Variants in MPP7 observed in about 807,000 individuals in gnomAD.
The protein encoded by MPP7 is MAGUK p55 subfamily member 7.
In MPP7, 60 loss-of-function variants were observed where a neutral mutation model predicts 76.5. The ratio of observed to expected loss-of-function variants is 0.78; its 90% confidence interval spans 0.64 to 0.97. MPP7 has a LOEUF of 0.97. Ranked by LOEUF, MPP7 falls within the 50% of genes least tolerant of loss-of-function variation. The probability of loss-of-function intolerance (pLI) is 0.00; values close to 1 mark genes in which losing one functional copy is unlikely to be tolerated. For synonymous variants in MPP7, 237 were observed against 244.5 expected (o/e 0.97, Z 0.29); for missense variants, 641 against 694.0 (o/e 0.92, Z 0.86).
chr10:28,250,642 T>C (rs1168039819), intron 1 of MPP7, among the ~76,000 whole-genome samples: 1 of 152,210 alleles, frequency 6.6e-6, no homozygotes, highest in African/African-American at 2.4e-5. Flanking sequence ...TTAAATTCCT[T>C]AAATTGAGAC....
At chr10:28,089,875 C>T (rs752754365) in intron 11 of MPP7, 34 bp from the exon 12 acceptor site, 5 of 1,124,584 alleles carry the variant, frequency 4.4e-6, no homozygotes, top group Non-Finnish European at 6.3e-6. Context: ...TTTTTAGTAA[C>T]ATCAACCAAA....
chr10:28,296,306 C>G (rs117419840), intron 1 of MPP7, among the ~76,000 whole-genome samples: 211 of 152,270 alleles, frequency 1.4e-3, no homozygotes, highest in Non-Finnish European at 2.2e-3. Context: ...TTTTCTCTCT[C>G]CCAAATCTCC....
At chr10:28,106,541 T>C (rs1834331003) in intron 11 of MPP7, among the ~76,000 whole-genome samples, 1 of 152,352 alleles carries the variant, frequency 6.6e-6, no homozygotes, top group African/African-American at 2.4e-5. Flanking sequence ...ATCAAAAAGA[T>C]ATTTGAAAGA....
upstream of MPP7, chr10:28,303,393 C>T (rs913117150): frequency 6.6e-6 from 1 of 152,194 alleles, no homozygotes; most frequent in Non-Finnish European, 1.5e-5. Context: ...TGAGGAGAAC[C>T]CCGGATACGC....
chr10:28,077,565 C>CCTAA (rs1345662543), intron 12 of MPP7, among the ~76,000 whole-genome samples: 1 of 152,100 alleles, frequency 6.6e-6, no homozygotes, highest in African/African-American at 2.4e-5. Flanking sequence ...TAGGGTTAGG[C>CCTAA]CTAAGTTCAC....
At chr10:28,267,564 T>C (rs545290931) in intron 1 of MPP7, among the ~76,000 whole-genome samples, 170 of 152,252 alleles carry the variant, frequency 1.1e-3, no homozygotes, top group African/African-American at 2.0e-3. Flanking sequence ...CACTAGAGCA[T>C]TACAGATTTT....
At position 28,196,133 on chromosome 10, in the gene MPP7, C is replaced by T. The variant is rs141020883; in HGVS notation, c.156+6020G>A. Reference sequence around the variant, plus strand: ...ATGTCCTGCATTTTATCTGGCACCCCTACTCCCAAATCTATTCTGTCCAAT... The same window carrying T: ...ATGTCCTGCATTTTATCTGGCACCCTTACTCCCAAATCTATTCTGTCCAAT... On this transcript the variant is annotated intron_variant, in intron 3 of 16. Transcript: ENST00000683449. Among the ~76,000 whole-genome samples the T allele has an allele frequency of 5.2e-3, 787 of 152,286 alleles. 6 individuals are homozygous for T. Among genetic ancestry groups the T allele is most frequent in the African/African-American group, 0.017 (711 of 41,550 alleles).
chr10:28,287,776 T>A (rs1840822272), intron 1 of MPP7, among the ~76,000 whole-genome samples: 1 of 152,224 alleles, frequency 6.6e-6, no homozygotes, highest in Non-Finnish European at 1.5e-5. Context: ...TGTGCTAACA[T>A]TTAATTCCAT....
At chr10:28,280,138 T>C (rs927110751) in intron 1 of MPP7, 1 of 152,080 alleles carries the variant, frequency 6.6e-6, no homozygotes, top group African/African-American at 2.4e-5. Context: ...AAGACTGCTA[T>C]ACCTAACAGG....
chr10:28,155,014 C>T (rs1315395573), intron 3 of MPP7, among the ~76,000 whole-genome samples: 1 of 152,092 alleles, frequency 6.6e-6, no homozygotes, highest in African/African-American at 2.4e-5. Context: ...ATACAAGTAG[C>T]AATCAATTAC....
intron 3 of MPP7, among the ~76,000 whole-genome samples, chr10:28,168,209 T>C (rs1358637876): frequency 1.3e-5 from 2 of 151,974 alleles, no homozygotes; most frequent in South Asian, 2.1e-4. Context: ...CACTCCAGCC[T>C]GGGCAACAGA....
chr10:28,083,979 T>C (rs952977788), intron 12 of MPP7, among the ~76,000 whole-genome samples: 2 of 152,200 alleles, frequency 1.3e-5, no homozygotes, highest in African/African-American at 4.8e-5. Context: ...ATTTAAGAAA[T>C]ACTGCCTTAT....
chr10:28,135,991 T>A (rs1184284710), intron 5 of MPP7, among the ~76,000 whole-genome samples: 3 of 152,064 alleles, frequency 2.0e-5, no homozygotes, highest in African/African-American at 7.2e-5. Context: ...TTGCTTGCAT[T>A]ACCACCTGAG....
At chr10:28,281,551 T>C (rs572108853) in intron 1 of MPP7, among the ~76,000 whole-genome samples, 18 of 152,232 alleles carry the variant, frequency 1.2e-4, no homozygotes, top group African/African-American at 3.6e-4. Flanking sequence ...TATCAGGTTA[T>C]TGACCAGATA....
chr10:28,326,381 T>G (rs1446284143), intron 2 of MPP7, among the ~76,000 whole-genome samples: 2 of 151,414 alleles, frequency 1.3e-5, no homozygotes, highest in Non-Finnish European at 3.0e-5. Context: ...ATTGTAAATG[T>G]GAGAAGTCAG....
At chr10:28,182,329 G>A (rs992860994) in intron 3 of MPP7, among the ~76,000 whole-genome samples, 31 of 152,174 alleles carry the variant, frequency 2.0e-4, no homozygotes, top group African/African-American at 7.2e-4. Flanking sequence ...TTAATTAATG[G>A]TCTGGATTGG....
At chr10:28,077,602 T>C (rs967514868) in intron 12 of MPP7, among the ~76,000 whole-genome samples, 3 of 152,190 alleles carry the variant, frequency 2.0e-5, no homozygotes, top group Admixed American at 1.3e-4. Context: ...TGGTTTGTAT[T>C]TGGAATACAA....
chr10:28,148,830 T>C (rs1308690214), intron 4 of MPP7, among the ~76,000 whole-genome samples: 1 of 152,188 alleles, frequency 6.6e-6, no homozygotes, highest in Non-Finnish European at 1.5e-5. Context: ...CACAACAACA[T>C]TGGTTTATAA....
chr10:28,193,189 G>C (rs1397795543), intron 3 of MPP7, among the ~76,000 whole-genome samples: 1 of 150,910 alleles, frequency 6.6e-6, no homozygotes, highest in Non-Finnish European at 1.5e-5. Flanking sequence ...GAGTTTTTTT[G>C]GGTTTTTTTG....
Sources: allele counts gnomAD v4.1 joint callset (sites outside exome capture counted in the v4.1 genomes callset), GRCh38; gene constraint gnomAD v4.1.1; transcripts MANE v1.5; gene names NCBI Gene and HGNC (gene_info 2026-07-23, HGNC 2026-07-21).